Variants in UGT8 observed in about 807,000 individuals in gnomAD.
The protein encoded by UGT8 is UDP glycosyltransferase 8.
A neutral mutation model predicts 40.5 loss-of-function variants in UGT8; 12 were observed. The observed-to-expected ratio is 0.30, with a 90% CI of 0.19 to 0.48. The LOEUF (loss-of-function observed/expected upper bound fraction) is 0.48. Among genes scored for constraint, UGT8 ranks in the 20% least tolerant of loss-of-function variants. UGT8 has a pLI of 0.99. For missense variants in UGT8, 513 were observed against 648.7 expected, an observed-to-expected ratio of 0.79 and a Z score of 2.27; for synonymous variants, 224 against 240.4, an observed-to-expected ratio of 0.93 and a Z score of 0.63.
At chr4:114,649,154 A>G (rs989019077) in intron 2 of UGT8, among the ~76,000 whole-genome samples, 3 of 152,168 alleles carry the variant, frequency 2.0e-5, no homozygotes, top group Admixed American at 6.5e-5. Flanking sequence ...GAGGTTGCCA[A>G]TGTAGTGTGG....
At chr4:114,613,337 G>A (rs1731203992) in intron 1 of UGT8, among the ~76,000 whole-genome samples, 1 of 152,034 alleles carries the variant, frequency 6.6e-6, no homozygotes, top group South Asian at 2.1e-4. Flanking sequence ...TCTTGATAAT[G>A]CTTTTCTAAC....
chr4:114,601,926 C>T (rs1730467748), intron 1 of UGT8, among the ~76,000 whole-genome samples: 2 of 150,608 alleles, frequency 1.3e-5, no homozygotes, highest in African/African-American at 4.9e-5. Flanking sequence ...TATCTGTTGT[C>T]TTTTTTTCCA....
chr4:114,631,959 G>A (rs1258943012), intron 2 of UGT8, among the ~76,000 whole-genome samples: 2 of 152,162 alleles, frequency 1.3e-5, no homozygotes, highest in Non-Finnish European at 2.9e-5. Flanking sequence ...CTAAGATGAT[G>A]CTGTTGAATG....
At chr4:114,647,546 A>G (rs762857303) in intron 2 of UGT8, among the ~76,000 whole-genome samples, 2 of 151,966 alleles carry the variant, frequency 1.3e-5, no homozygotes, top group Non-Finnish European at 2.9e-5. Context: ...TTGTATTTTT[A>G]GTAGAGGCGG....
intron 1 of UGT8, among the ~76,000 whole-genome samples, chr4:114,602,927 C>G (rs552073022): frequency 1.3e-5 from 2 of 152,148 alleles, no homozygotes; most frequent in South Asian, 4.1e-4. Context: ...ACAGCTCTTA[C>G]AGCAAGCAAT....
intron 2 of UGT8, among the ~76,000 whole-genome samples, chr4:114,632,060 C>G (rs1732613189): frequency 6.6e-6 from 1 of 152,204 alleles, no homozygotes; most frequent in Non-Finnish European, 1.5e-5. Context: ...TAATAACTTT[C>G]AACTCTTCTC....
intron 2 of UGT8, among the ~76,000 whole-genome samples, chr4:114,643,814 C>G (rs1733377658): frequency 6.6e-6 from 1 of 151,912 alleles, no homozygotes; most frequent in South Asian, 2.1e-4. Flanking sequence ...AAAGCCACAA[C>G]ACATCAAACA....
chr4:114,626,773 TTTAC>T (rs773027979), intron 2 of UGT8, among the ~76,000 whole-genome samples: 3 of 152,228 alleles, frequency 2.0e-5, no homozygotes, highest in Admixed American at 6.5e-5. Context: ...ATTTTAGTCA[TTTAC>T]TTACTTACAA....
chr4:114,663,612 TGC>T, intron 2 of UGT8: 1 of 845,486 alleles, frequency 1.2e-6, no homozygotes, highest in Non-Finnish European at 1.4e-6. Context: ...AACAAATTTT[TGC>T]CAGTATGATT....
intron 2 of UGT8, among the ~76,000 whole-genome samples, chr4:114,640,265 T>C (rs1031237980): frequency 3.3e-5 from 5 of 151,488 alleles, no homozygotes; most frequent in African/African-American, 4.9e-5. Context: ...CTCCTGACCT[T>C]GTGATCCGCC....
At chr4:114,618,217 T>C (rs2126094266) in intron 1 of UGT8, among the ~76,000 whole-genome samples, 1 of 152,352 alleles carries the variant, frequency 6.6e-6, no homozygotes, top group East Asian at 1.9e-4. Flanking sequence ...GGTTTCTGGC[T>C]GTTTGCTGTT....
chr4:114,616,534 C>T (rs935139144), intron 1 of UGT8, among the ~76,000 whole-genome samples: 1 of 152,156 alleles, frequency 6.6e-6, no homozygotes, highest in African/African-American at 2.4e-5. Flanking sequence ...AATTCCCTGA[C>T]CCCCTGTGCT....
At chr4:114,605,691 A>G (rs1439544380) in intron 1 of UGT8, among the ~76,000 whole-genome samples, 1 of 152,176 alleles carries the variant, frequency 6.6e-6, no homozygotes, top group Non-Finnish European at 1.5e-5. Flanking sequence ...TAATGTGCAC[A>G]TGAATTTACA....
At chr4:114,663,202 T>G (rs1352948825) in intron 2 of UGT8, among the ~76,000 whole-genome samples, 1 of 152,130 alleles carries the variant, frequency 6.6e-6, no homozygotes, top group African/African-American at 2.4e-5. Flanking sequence ...TGCAGAAGCA[T>G]GGCTGACACA....
chr4:114,609,318 T>C (rs1730908813), intron 1 of UGT8, among the ~76,000 whole-genome samples: 3 of 152,180 alleles, frequency 2.0e-5, no homozygotes, highest in Admixed American at 6.5e-5. Flanking sequence ...ATAAGCTAGG[T>C]AAGATTATTA....
chr4:114,646,314 T>C lies in UGT8; in HGVS notation c.823-17681T>C, dbSNP rs189479105. On this transcript the variant is annotated intron_variant, in intron 2 of 5. Transcript: ENST00000310836. ...TGAAATTCAATGTGAAAAAAGCTGCTAATTTAAGGTATATCAGATGAACAT... is the reference window on the plus strand; with the variant it reads ...TGAAATTCAATGTGAAAAAAGCTGCCAATTTAAGGTATATCAGATGAACAT... Among the ~76,000 whole-genome samples, 1,179 of 151,986 alleles carry C rather than the reference T, an allele frequency of 7.8e-3. 7 individuals carry two copies. Among genetic ancestry groups the C allele is most frequent in the Non-Finnish European group, 0.01 (693 of 67,932 alleles).
At chr4:114,650,770 A>C (rs1733850737) in intron 2 of UGT8, among the ~76,000 whole-genome samples, 1 of 152,178 alleles carries the variant, frequency 6.6e-6, no homozygotes, top group African/African-American at 2.4e-5. Flanking sequence ...GTTTAAAAAC[A>C]ACAACAACAA....
At position 114,676,294 on chromosome 4, in the gene UGT8, C is replaced by G; in HGVS notation, c.*6C>G. 6.4e-7 allele frequency: 1 copy of G among 1,569,704 alleles called. No individual in the cohort carries two copies. On this transcript the variant is annotated 3_prime_UTR_variant, in exon 6 of 6. Coordinates refer to ENST00000310836, the MANE Select transcript of UGT8 (RefSeq NM_001128174.3). The stretch of plus-strand genomic sequence containing the variant: ...ATGAAAAGAAAGTGAAATGAGCCAA[C>G]AGCCCAGGTGATAGAAATAAATTGG...
intron 2 of UGT8, among the ~76,000 whole-genome samples, chr4:114,645,598 T>C (rs4277792): frequency 0.87 from 132,602 of 152,162 alleles, 59,816 homozygotes; most frequent in East Asian, 1. Flanking sequence ...TAATATTTTA[T>C]ACAAGATGAA....
Sources: gnomAD v4.1 joint callset for allele counts (sites outside exome capture counted in the v4.1 genomes callset) on GRCh38, gnomAD v4.1.1 for gene constraint, MANE v1.5 for transcripts, NCBI Gene and HGNC (gene_info 2026-07-23, HGNC 2026-07-21) for gene names.